Variants in NLGN4X observed in about 807,000 individuals in gnomAD.
NLGN4X encodes the protein neuroligin 4 X-linked, also known as neuroligin-4, X-linked.
Under a neutral mutation model 40.3 loss-of-function variants are expected in NLGN4X, and 3 were observed. The observed-to-expected ratio is 0.07, with a 90% CI of 0.03 to 0.19. The LOEUF (loss-of-function observed/expected upper bound fraction) is 0.19. NLGN4X is among the 10% of genes least tolerant of loss of function. The probability of loss-of-function intolerance (pLI) is 1.00; values close to 1 mark genes in which losing one functional copy is unlikely to be tolerated. For synonymous variants in NLGN4X, 270 were observed against 306.8 expected, an observed-to-expected ratio of 0.88 and a Z score of 1.25; for missense variants, 382 against 708.3, an observed-to-expected ratio of 0.54 and a Z score of 5.23.
intron 3 of NLGN4X, among the ~76,000 whole-genome samples, chrX:5,951,698 A>G (rs991022828): frequency 9.0e-6 from 1 of 111,290 alleles, no homozygotes; most frequent in African/African-American, 3.3e-5. Flanking sequence ...GTGTCCTCAC[A>G]TGATAAAAGG....
chrX:6,094,298 T>C (rs1047928291), intron 2 of NLGN4X, among the ~76,000 whole-genome samples: 1 of 110,034 alleles, frequency 9.1e-6, no homozygotes, highest in Non-Finnish European at 1.9e-5. Context: ...CAGAAGAAAC[T>C]AAACAGAAAG....
rs1028144776 is a variant in NLGN4X, at chrX:6,060,430, A to G, written c.473-30998T>C. 7.2e-5 allele frequency among the ~76,000 whole-genome samples: 8 copies of G among 111,600 alleles called. No individual in the cohort carries two copies. The Admixed American group carries it at 7.6e-4, about 11-fold the overall frequency. On this transcript the variant is annotated intron_variant, in intron 2 of 5. Transcript: ENST00000381095. ...AAATCCACCTCCCCACCCAGCATGC[A>G]TCCGCCTCACCTTTACTGATCAGCA...
At chrX:6,216,131 G>A (rs957636216) in intron 1 of NLGN4X, among the ~76,000 whole-genome samples, 1 of 111,655 alleles carries the variant, frequency 9.0e-6, no homozygotes, top group African/African-American at 3.3e-5. Flanking sequence ...AAAGTGCTGG[G>A]ATTACAGGCA....
intron 2 of NLGN4X, among the ~76,000 whole-genome samples, chrX:6,078,928 G>A (rs147374626): frequency 2.8e-3 from 309 of 111,253 alleles, no homozygotes; most frequent in African/African-American, 9.7e-3. Context: ...GATAGCGAGT[G>A]AGTTCTCATG....
intron 3 of NLGN4X, among the ~76,000 whole-genome samples, chrX:5,924,350 G>C (rs1181613143): frequency 9.7e-6 from 1 of 103,604 alleles, no homozygotes; most frequent in Non-Finnish European, 2.0e-5. Context: ...ATGCTTTCAA[G>C]GCAAACATAA....
At chrX:6,023,209 C>T (rs777777401) in intron 3 of NLGN4X, among the ~76,000 whole-genome samples, 2 of 111,502 alleles carry the variant, frequency 1.8e-5, no homozygotes, top group Non-Finnish European at 3.8e-5. Flanking sequence ...TCTACTGCAC[C>T]GAAGAGCTTT....
intron 3 of NLGN4X, among the ~76,000 whole-genome samples, chrX:5,941,471 C>T (rs763745120): frequency 3.6e-5 from 4 of 111,495 alleles, no homozygotes; most frequent in African/African-American, 1.3e-4. Context: ...AAATGAGGTG[C>T]TGACTCTGAA....
chrX:6,219,206 A>C (rs920604446), intron 1 of NLGN4X, among the ~76,000 whole-genome samples: 4 of 102,705 alleles, frequency 3.9e-5, no homozygotes, highest in Non-Finnish European at 5.9e-5. Flanking sequence ...ATAGTTTGAC[A>C]TGCATTTTCC....
At chrX:6,096,385 C>A (rs1386873627) in intron 2 of NLGN4X, among the ~76,000 whole-genome samples, 1 of 111,788 alleles carries the variant, frequency 8.9e-6, no homozygotes, top group South Asian at 3.8e-4. Flanking sequence ...TATCTGAAAT[C>A]ACAGCCATCA....
chrX:5,892,872 C>T lies in NLGN4X; in HGVS notation c.2396G>A (p.Ser799Asn), dbSNP rs1216235967. 1 of 1,209,276 alleles carries T rather than the reference C, an allele frequency of 8.3e-7. No individual in the cohort carries two copies. Among genetic ancestry groups the T allele is most frequent in the Non-Finnish European group, 1.1e-6 (1 of 895,118 alleles). Residue 799 changes from serine to asparagine, a missense_variant, in exon 6 of 6, where the codon AGT (serine) becomes AAT (asparagine). Physicochemically the swap from Ser to Asn is conservative, Grantham distance 46. Coordinates refer to ENST00000381095, the MANE Select transcript of NLGN4X (RefSeq NM_181332.3). ...MQPLHTFNTFSGGQNSTNLPH... is the reference protein window; with the variant it reads ...MQPLHTFNTFNGGQNSTNLPH... Reference sequence around the variant, plus strand: ...TAAATTTGTACTGTTTTGTCCTCCACTGAAGGTGTTAAAAGTGTGCAAAGG... The same window carrying T: ...TAAATTTGTACTGTTTTGTCCTCCATTGAAGGTGTTAAAAGTGTGCAAAGG...
chrX:5,981,034 T>C (rs2035372810), intron 3 of NLGN4X, among the ~76,000 whole-genome samples: 1 of 111,581 alleles, frequency 9.0e-6, no homozygotes, highest in African/African-American at 3.3e-5. Flanking sequence ...CAGGAGGGTG[T>C]TGTGTTTGTG....
intron 1 of NLGN4X, among the ~76,000 whole-genome samples, chrX:6,211,309 C>T (rs973669723): frequency 4.5e-5 from 5 of 110,808 alleles, no homozygotes; most frequent in Non-Finnish European, 7.6e-5. Flanking sequence ...AAATTAGAGG[C>T]GGGAGGGGTG....
chrX:6,159,392 ACT>A (rs1213563604), intron 1 of NLGN4X, among the ~76,000 whole-genome samples: 3 of 112,179 alleles, frequency 2.7e-5, no homozygotes, highest in Non-Finnish European at 5.6e-5. Flanking sequence ...ATTTTGATAC[ACT>A]TTTTATGACT....
intron 3 of NLGN4X, among the ~76,000 whole-genome samples, chrX:5,990,404 C>T (rs1415762772): frequency 9.0e-6 from 1 of 110,710 alleles, no homozygotes; most frequent in Non-Finnish European, 1.9e-5. Context: ...TGCACAGAGA[C>T]ACCCTGGGCG....
At chrX:6,087,263 T>A (rs28653434) in intron 2 of NLGN4X, among the ~76,000 whole-genome samples, 1 of 110,903 alleles carries the variant, frequency 9.0e-6, no homozygotes, top group Non-Finnish European at 1.9e-5. Context: ...ATTTTTTGAC[T>A]TTTTTTAATA....
intron 1 of NLGN4X, among the ~76,000 whole-genome samples, chrX:6,178,915 G>A (rs1019736733): frequency 1.8e-5 from 2 of 110,603 alleles, no homozygotes; most frequent in Non-Finnish European, 3.8e-5. Context: ...GAACAACATA[G>A]GAAAACCGTG....
At chrX:6,193,268 G>A in intron 1 of NLGN4X, among the ~76,000 whole-genome samples, 1 of 110,855 alleles carries the variant, frequency 9.0e-6, no homozygotes, top group East Asian at 2.8e-4. Context: ...AATTAGCCGG[G>A]CGCAGTGGCG....
chrX:5,972,298 C>T (rs909736221), intron 3 of NLGN4X, among the ~76,000 whole-genome samples: 1 of 110,922 alleles, frequency 9.0e-6, no homozygotes, highest in African/African-American at 3.3e-5. Flanking sequence ...TGCAAACTAC[C>T]AAACTATGAA....
chrX:5,924,922 T>A (rs2033215217), intron 3 of NLGN4X, among the ~76,000 whole-genome samples: 1 of 110,561 alleles, frequency 9.0e-6, no homozygotes, highest in African/African-American at 3.3e-5. Flanking sequence ...GCTTGGGTAA[T>A]GGGTGCACCA....
Sources: gnomAD v4.1 joint callset for allele counts (sites outside exome capture counted in the v4.1 genomes callset) on GRCh38, gnomAD v4.1.1 for gene constraint, MANE v1.5 for transcripts, NCBI Gene and HGNC (gene_info 2026-07-23, HGNC 2026-07-21) for gene names.